NAALADL2: variants seen among roughly 807,000 people sequenced by gnomAD.
NAALADL2 encodes N-acetylated alpha-linked acidic dipeptidase like 2.
A neutral mutation model predicts 87.2 loss-of-function variants in NAALADL2; 76 were observed. The observed-to-expected ratio is 0.87, with a 90% CI of 0.72 to 1.05. NAALADL2 has a LOEUF of 1.05. Ranked by LOEUF, NAALADL2 falls within the 50% of genes least tolerant of loss-of-function variation. The pLI is 0.00. For missense variants in NAALADL2, 1,089 were observed against 945.8 expected (o/e 1.15, Z -1.99); for synonymous variants, 354 against 331.0 (o/e 1.07, Z -0.75).
chr3:175,147,572 G>A (rs367803234), intron 2 of NAALADL2, among the ~76,000 whole-genome samples: 4 of 91,410 alleles, frequency 4.4e-5, no homozygotes, highest in South Asian at 8.3e-4. Flanking sequence ...ATGTCTTTTT[G>A]GTAGAACAGT....
chr3:175,466,377 T>C (rs1291027729), intron 7 of NAALADL2, among the ~76,000 whole-genome samples: 1 of 152,202 alleles, frequency 6.6e-6, no homozygotes. Context: ...TAGTAGTGTA[T>C]CTAATACATT....
Position 175,469,102 on chromosome 3 carries a change from C to A in NAALADL2, c.1533+1918C>A, listed in dbSNP as rs114943640. 9.8e-3 allele frequency among the ~76,000 whole-genome samples: 1,497 copies of A among 152,072 alleles called. 26 individuals are homozygous for A. Among genetic ancestry groups the A allele is most frequent in the African/African-American group, 0.035 (1,444 of 41,506 alleles). ...TACATTTAGCAAGTGATTATACATT[C>A]ATTTACTGGCATTTTAGGTGACTAG... On this transcript the variant is annotated intron_variant, in intron 8 of 13. Transcript: ENST00000454872.
intron 11 of NAALADL2, chr3:175,718,213 TTTTTTTTTTTG>T: frequency 2.6e-6 from 2 of 782,994 alleles, no homozygotes; most frequent in Non-Finnish European, 3.8e-6. Context: ...TTTTTTTTTT[TTTTTTTTTTTG>T]ATTAGTTGCT....
At chr3:174,814,568 G>T (rs1488479613) in intron 3 of NAALADL2, among the ~76,000 whole-genome samples, 1 of 151,824 alleles carries the variant, frequency 6.6e-6, no homozygotes, top group Non-Finnish European at 1.5e-5. Flanking sequence ...TGATTTTTAA[G>T]GTATGGAATA....
intron 1 of NAALADL2, among the ~76,000 whole-genome samples, chr3:174,935,424 A>C (rs1379745667): frequency 6.6e-6 from 1 of 152,050 alleles, no homozygotes; most frequent in Non-Finnish European, 1.5e-5. Context: ...AACAAAACAG[A>C]CCTTAGAGAT....
chr3:175,149,049 A>T (rs1255361806), intron 2 of NAALADL2, among the ~76,000 whole-genome samples: 1 of 152,174 alleles, frequency 6.6e-6, no homozygotes, highest in African/African-American at 2.4e-5. Flanking sequence ...CAGTATGAGC[A>T]TTTTAATGAT....
chr3:175,089,922 C>G (rs1051542591), intron 1 of NAALADL2, among the ~76,000 whole-genome samples: 2 of 152,102 alleles, frequency 1.3e-5, no homozygotes, highest in African/African-American at 4.8e-5. Flanking sequence ...ATTACAGTGG[C>G]TTTCTTTTAG....
intron 8 of NAALADL2, among the ~76,000 whole-genome samples, chr3:175,468,478 T>C (rs1724413391): frequency 6.6e-6 from 1 of 152,102 alleles, no homozygotes; most frequent in Non-Finnish European, 1.5e-5. Context: ...ATGTTTGTAA[T>C]CTATACCATT....
chr3:174,732,015 A>G (rs956297918), intron 2 of NAALADL2, among the ~76,000 whole-genome samples: 1 of 152,144 alleles, frequency 6.6e-6, no homozygotes, highest in Admixed American at 6.5e-5. Context: ...TTGTGTCCCA[A>G]TGAAATTTTA....
At chr3:175,785,698 A>G (rs1751839025) in intron 13 of NAALADL2, among the ~76,000 whole-genome samples, 1 of 137,802 alleles carries the variant, frequency 7.3e-6, no homozygotes, top group South Asian at 2.4e-4. Context: ...CATTTAGTCC[A>G]TTTACATTTA....
chr3:174,474,160 G>A (rs558424656), intron 1 of NAALADL2, among the ~76,000 whole-genome samples: 26 of 152,202 alleles, frequency 1.7e-4, no homozygotes, highest in Non-Finnish European at 2.8e-4. Context: ...ATATAAAATA[G>A]CATCTCATCT....
At chr3:175,011,282 G>GAGAGAC (rs1362175149) in intron 1 of NAALADL2, among the ~76,000 whole-genome samples, 159 of 46,642 alleles carry the variant, frequency 3.4e-3, no homozygotes, top group Non-Finnish European at 8.9e-3. Context: ...CAGAGAGACA[G>GAGAGAC]AGAGAGAGAG....
intron 2 of NAALADL2, among the ~76,000 whole-genome samples, chr3:174,733,783 G>T (rs1732927834): frequency 6.6e-6 from 1 of 152,144 alleles, no homozygotes; most frequent in South Asian, 2.1e-4. Context: ...TAAAATTAGG[G>T]GTTTATGTAG....
At chr3:174,518,310 C>T (rs530210813) in intron 1 of NAALADL2, among the ~76,000 whole-genome samples, 5 of 152,122 alleles carry the variant, frequency 3.3e-5, no homozygotes, top group East Asian at 3.8e-4. Context: ...TATCATTTAA[C>T]GATTTGTCTT....
intron 3 of NAALADL2, among the ~76,000 whole-genome samples, chr3:174,744,241 G>C (rs1481089052): frequency 1.3e-5 from 2 of 151,846 alleles, no homozygotes; most frequent in Non-Finnish European, 2.9e-5. Context: ...ATCCAGGCGG[G>C]CCCAATGTAA....
chr3:175,628,745 T>C (rs1727355846), intron 11 of NAALADL2, among the ~76,000 whole-genome samples: 1 of 150,212 alleles, frequency 6.7e-6, no homozygotes, highest in African/African-American at 2.4e-5. Context: ...GTTGTTTTTT[T>C]CTTTTAAAAA....
At chr3:174,919,326 G>T (rs1734829466) in intron 1 of NAALADL2, among the ~76,000 whole-genome samples, 1 of 152,034 alleles carries the variant, frequency 6.6e-6, no homozygotes, top group Non-Finnish European at 1.5e-5. Context: ...TTTCAAAATT[G>T]GAGTTAATCT....
intron 1 of NAALADL2, among the ~76,000 whole-genome samples, chr3:174,877,863 A>T (rs1408993308): frequency 1.3e-5 from 2 of 152,106 alleles, no homozygotes; most frequent in Non-Finnish European, 2.9e-5. Context: ...GAAACTCACT[A>T]TCATAAGATA....
intron 9 of NAALADL2, among the ~76,000 whole-genome samples, chr3:175,528,281 C>T (rs1435995191): frequency 6.6e-6 from 1 of 152,060 alleles, no homozygotes; most frequent in East Asian, 1.9e-4. Flanking sequence ...GTCCAAGTCC[C>T]AAAACAGAAG....
Sources: gnomAD v4.1 joint callset for allele counts (sites outside exome capture counted in the v4.1 genomes callset) on GRCh38, gnomAD v4.1.1 for gene constraint, MANE v1.5 for transcripts, NCBI Gene and HGNC (gene_info 2026-07-23, HGNC 2026-07-21) for gene names.